MTAP: variants seen among roughly 807,000 people sequenced by gnomAD.
MTAP encodes methylthioadenosine phosphorylase.
MTAP carries 33 observed loss-of-function variants against 33.6 expected under a neutral mutation model. The ratio of observed to expected loss-of-function variants is 0.98; its 90% CI spans 0.74 to 1.31. The LOEUF (loss-of-function observed/expected upper bound fraction) is 1.31, where lower values mean the gene tolerates loss of function less well. MTAP is among the 40% of genes most tolerant of loss of function. MTAP has a pLI of 0.00. For synonymous variants in MTAP, 148 were observed against 125.7 expected (o/e 1.18, Z -1.19); for missense variants, 367 against 360.0 (o/e 1.02, Z -0.16).
rs919702929 is a variant in MTAP at position 21,863,051 on chromosome 9, G to A, written c.*1037G>A. ...GTTACATCTTTATTCTGCTAAAGAA[G>A]AGGATCATTGATTTCTGTACAGTCA... On this transcript the variant is annotated 3_prime_UTR_variant, in exon 8 of 8. Coordinates refer to ENST00000644715, the MANE Select transcript of MTAP (RefSeq NM_002451.4). The A allele has an allele frequency of 3.0e-6, 3 of 985,308 alleles. No homozygotes were observed. The highest frequency in any genetic ancestry group is 6.1e-5 in the Admixed American group (1 of 16,264). 61.0% of individuals were successfully genotyped at this position (985,308 alleles called of 1,614,324 possible). A position where few individuals can be genotyped will look rare whatever the true frequency, so the allele number is the denominator to read the frequency against.
At chr9:21,911,386 A>T (rs373922828) in intron 1 of MTAP, among the ~76,000 whole-genome samples, 2,867 of 152,160 alleles carry the variant, frequency 0.019, 63 homozygotes, top group African/African-American at 0.051. Flanking sequence ...GAAGTAAAGC[A>T]CTCCTCAGCA....
At chr9:21,903,129 T>C (rs1563865026) in intron 1 of MTAP, among the ~76,000 whole-genome samples, 1 of 152,156 alleles carries the variant, frequency 6.6e-6, no homozygotes, top group Non-Finnish European at 1.5e-5. Context: ...CTGCTTTCTG[T>C]AGCATTGAAT....
At chr9:21,898,395 AC>A (rs531494181) in intron 1 of MTAP, among the ~76,000 whole-genome samples, 172 of 152,376 alleles carry the variant, frequency 1.1e-3, no homozygotes, top group African/African-American at 4.0e-3. Flanking sequence ...ATCTAATTAA[AC>A]TAAAGAGCTT....
At chr9:21,890,911 C>T (rs149828379) in intron 1 of MTAP, among the ~76,000 whole-genome samples, 1 of 152,106 alleles carries the variant, frequency 6.6e-6, no homozygotes, top group East Asian at 1.9e-4. Context: ...TGATGTAAGC[C>T]TCCACATACT....
downstream of MTAP, among the ~76,000 whole-genome samples, chr9:21,937,959 G>A (rs1426817932): frequency 6.6e-6 from 1 of 152,050 alleles, no homozygotes; most frequent in Non-Finnish European, 1.5e-5. Context: ...GAGTAACATA[G>A]GGAGACCCTT....
chr9:21,828,255 G>A (rs554618637), intron 4 of MTAP, among the ~76,000 whole-genome samples: 6 of 152,288 alleles, frequency 3.9e-5, no homozygotes, highest in African/African-American at 1.4e-4. Context: ...AGTGCCTTTT[G>A]TGGGATCTTG....
intron 4 of MTAP, among the ~76,000 whole-genome samples, chr9:21,830,060 G>C (rs1028471250): frequency 1.3e-5 from 2 of 152,062 alleles, no homozygotes; most frequent in Non-Finnish European, 2.9e-5. Context: ...AGTATGTTTG[G>C]GTATGTGCAG....
rs147082200 is a variant in MTAP, at chr9:21,847,131, G to A, written c.451-7500G>A. ...GCCTCCCAGCGTACATCTTTCTCCC[G>A]TGCTGGATACTTCCTGCCCTCAAAC... On this transcript the variant is annotated intron_variant, in intron 5 of 7. Coordinates refer to ENST00000644715, the MANE Select transcript of MTAP (RefSeq NM_002451.4). Among the ~76,000 whole-genome samples, 890 of 152,266 alleles carry A rather than the reference G, an allele frequency of 5.8e-3. 9 individuals are homozygous for A. The highest frequency in any genetic ancestry group is 0.02 in the African/African-American group (840 of 41,550).
At chr9:21,840,299 A>G (rs10811629) in intron 5 of MTAP, among the ~76,000 whole-genome samples, 55,476 of 152,078 alleles carry the variant, frequency 0.36, 11,103 homozygotes, top group Admixed American at 0.46. Flanking sequence ...ATATGGAGAC[A>G]CTATGATCTT....
chr9:21,837,433 C>T (rs186843168), intron 4 of MTAP, among the ~76,000 whole-genome samples: 1 of 152,256 alleles, frequency 6.6e-6, no homozygotes, highest in Non-Finnish European at 1.5e-5. Context: ...TTTGCATCTG[C>T]TCTGAGTCAA....
intron 4 of MTAP, among the ~76,000 whole-genome samples, chr9:21,830,862 A>T (rs1324691433): frequency 2.0e-5 from 3 of 152,210 alleles, no homozygotes; most frequent in African/African-American, 4.8e-5. Context: ...TGGAGAAGAA[A>T]GGCATGACTC....
At chr9:21,916,789 G>A (rs1464939864) in intron 1 of MTAP, among the ~76,000 whole-genome samples, 2 of 152,120 alleles carry the variant, frequency 1.3e-5, no homozygotes, top group Admixed American at 1.3e-4. Context: ...AGAGAGCAAG[G>A]CACTGCTAAC....
chr9:21,826,472 A>G (rs1587217902), intron 4 of MTAP, among the ~76,000 whole-genome samples: 2 of 151,876 alleles, frequency 1.3e-5, no homozygotes, highest in African/African-American at 4.8e-5. Context: ...AACTGGATTT[A>G]GTTCTGGTGG....
At chr9:21,822,973 T>G (rs1262067350) in intron 4 of MTAP, among the ~76,000 whole-genome samples, 1 of 152,224 alleles carries the variant, frequency 6.6e-6, no homozygotes, top group Admixed American at 6.5e-5. Context: ...TTGTTTTCCA[T>G]TTGCTTGGTA....
At chr9:21,840,300 C>G (rs1825212578) in intron 5 of MTAP, among the ~76,000 whole-genome samples, 1 of 151,922 alleles carries the variant, frequency 6.6e-6, no homozygotes, top group African/African-American at 2.4e-5. Flanking sequence ...TATGGAGACA[C>G]TATGATCTTT....
chr9:21,930,162 C>G (rs574453700), intron 1 of MTAP: 1 of 372,334 alleles, frequency 2.7e-6, no homozygotes, highest in Admixed American at 3.2e-5. Context: ...ACTCAAAATT[C>G]TCTTTTTTTG....
At chr9:21,846,190 C>T (rs1825377639) in intron 5 of MTAP, among the ~76,000 whole-genome samples, 2 of 152,108 alleles carry the variant, frequency 1.3e-5, no homozygotes. Flanking sequence ...CTATCTAGGC[C>T]TTGGCTTAGG....
chr9:21,913,092 A>C (rs1250053715), intron 1 of MTAP, among the ~76,000 whole-genome samples: 4 of 152,222 alleles, frequency 2.6e-5, no homozygotes, highest in Non-Finnish European at 5.9e-5. Flanking sequence ...GGACCTCTTC[A>C]AGGAGAACTA....
At chr9:21,876,330 C>G (rs1826007508) in intron 1 of MTAP, among the ~76,000 whole-genome samples, 1 of 151,974 alleles carries the variant, frequency 6.6e-6, no homozygotes, top group African/African-American at 2.4e-5. Flanking sequence ...TCTGTTTACT[C>G]TGTTGATAGT....
Sources: allele counts gnomAD v4.1 joint callset (sites outside exome capture counted in the v4.1 genomes callset), GRCh38; gene constraint gnomAD v4.1.1; transcripts MANE v1.5; gene names NCBI Gene and HGNC (gene_info 2026-07-23, HGNC 2026-07-21).